NKAIN2: variants seen among roughly 807,000 people sequenced by gnomAD.
The protein encoded by NKAIN2 is sodium/potassium transporting ATPase interacting 2.
In NKAIN2, 14 loss-of-function variants were observed where a neutral mutation model predicts 32.6. That is an observed-to-expected ratio of 0.43 (90% CI 0.28 to 0.67). The LOEUF is 0.67. Ranked by LOEUF, NKAIN2 falls within the 30% of genes least tolerant of loss-of-function variation. The pLI, the probability that NKAIN2 is intolerant of heterozygous loss-of-function variation, is 0.17. For synonymous variants in NKAIN2, 80 were observed against 87.2 expected (o/e 0.92, Z 0.46); for missense variants, 198 against 258.3 (o/e 0.77, Z 1.60).
intron 1 of NKAIN2, among the ~76,000 whole-genome samples, chr6:123,930,194 A>G (rs959531776): frequency 3.3e-5 from 5 of 152,154 alleles, no homozygotes; most frequent in Non-Finnish European, 5.9e-5. Flanking sequence ...TAAAATGCAA[A>G]TTGATATTGT....
At chr6:124,600,245 A>C (rs138430709) in intron 3 of NKAIN2, among the ~76,000 whole-genome samples, 5 of 152,244 alleles carry the variant, frequency 3.3e-5, no homozygotes, top group African/African-American at 1.2e-4. Context: ...ACATTGGCTA[A>C]GTTCTAAATG....
At chr6:124,067,106 G>A (rs138079544) in intron 1 of NKAIN2, among the ~76,000 whole-genome samples, 13 of 152,132 alleles carry the variant, frequency 8.5e-5, no homozygotes, top group East Asian at 5.8e-4. Flanking sequence ...ACCTGTTTTC[G>A]TGTCTGCTAC....
rs563518709 is a variant in NKAIN2 at position 124,429,841 on chromosome 6, C to T, written c.273+74494C>T. 5.3e-5 allele frequency among the ~76,000 whole-genome samples: 8 copies of T among 152,218 alleles called. No homozygotes were observed. The East Asian group carries it at 1.5e-3, about 29-fold the overall frequency. ...ACGTCCCTGGGCCTATCCTGAATTGCTGGGGAGTCTGGCAGGGTGATCAGT... is the reference window on the plus strand; with the variant it reads ...ACGTCCCTGGGCCTATCCTGAATTGTTGGGGAGTCTGGCAGGGTGATCAGT... On this transcript the variant is annotated intron_variant, in intron 3 of 6. Coordinates refer to ENST00000368417, the MANE Select transcript of NKAIN2 (RefSeq NM_001040214.3).
At chr6:124,804,272 G>A (rs1780413164) in intron 5 of NKAIN2, among the ~76,000 whole-genome samples, 1 of 152,086 alleles carries the variant, frequency 6.6e-6, no homozygotes, top group African/African-American at 2.4e-5. Flanking sequence ...CTCACCTAAG[G>A]CACTGCCCTC....
At chr6:123,937,529 A>G (rs72972546) in intron 1 of NKAIN2, among the ~76,000 whole-genome samples, 1 of 152,118 alleles carries the variant, frequency 6.6e-6, no homozygotes, top group Admixed American at 6.6e-5. Context: ...GCGTGTGAAA[A>G]GAAGAACAAC....
intron 1 of NKAIN2, among the ~76,000 whole-genome samples, chr6:123,873,124 A>G (rs1772983333): frequency 6.6e-6 from 1 of 152,208 alleles, no homozygotes; most frequent in Non-Finnish European, 1.5e-5. Flanking sequence ...TGAGATAGTG[A>G]TAAATACTGT....
chr6:124,628,634 C>CTAATT (rs1554238085), intron 3 of NKAIN2, among the ~76,000 whole-genome samples: 1 of 151,668 alleles, frequency 6.6e-6, no homozygotes, highest in Non-Finnish European at 1.5e-5. Context: ...CATTCATAAT[C>CTAATT]TAATTAGTAA....
intron 1 of NKAIN2, chr6:124,121,996 T>G: frequency 3.7e-6 from 2 of 537,684 alleles, no homozygotes; most frequent in Non-Finnish European, 5.8e-6. Context: ...AATATATATT[T>G]GAAGAACTCA....
intron 1 of NKAIN2, among the ~76,000 whole-genome samples, chr6:123,832,004 A>G (rs545870097): frequency 2.6e-4 from 40 of 152,260 alleles, no homozygotes; most frequent in African/African-American, 8.9e-4. Flanking sequence ...ATCCGTTTTC[A>G]TTAGGGTTCC....
chr6:124,210,999 G>A (rs754519758), intron 1 of NKAIN2, among the ~76,000 whole-genome samples: 12 of 150,414 alleles, frequency 8.0e-5, no homozygotes, highest in Non-Finnish European at 1.8e-4. Flanking sequence ...TTGAAAGTGG[G>A]CATTCTTGTT....
rs150238386 is a variant in NKAIN2, at chr6:123,907,833, A to G, written c.54+103579A>G. 2.6e-3 allele frequency among the ~76,000 whole-genome samples: 392 copies of G among 152,274 alleles called. 1 individual carries two copies. Among genetic ancestry groups the G allele is most frequent in the African/African-American group, 9.0e-3 (376 of 41,566 alleles). ...GCATGTCGGGAAATCCTTTTGCACA[A>G]ATAGCAGTAACAAAATACAACACAG... On this transcript the variant is annotated intron_variant, in intron 1 of 6. Transcript: ENST00000368417.
At chr6:124,585,224 ATGT>A (rs1437584496) in intron 3 of NKAIN2, among the ~76,000 whole-genome samples, 2 of 152,218 alleles carry the variant, frequency 1.3e-5, no homozygotes, top group Non-Finnish European at 2.9e-5. Flanking sequence ...CACACTTCAC[ATGT>A]TGTCACTTAT....
At chr6:124,533,577 C>CA (rs1219664585) in intron 3 of NKAIN2, among the ~76,000 whole-genome samples, 1 of 151,090 alleles carries the variant, frequency 6.6e-6, no homozygotes, top group Non-Finnish European at 1.5e-5. Context: ...CTATATGACA[C>CA]ATAAATATCT....
intron 1 of NKAIN2, among the ~76,000 whole-genome samples, chr6:124,003,647 C>A (rs1285148321): frequency 6.6e-6 from 1 of 152,056 alleles, no homozygotes; most frequent in African/African-American, 2.4e-5. Context: ...GTGGGAGTGA[C>A]CTAAAATGTA....
At chr6:124,803,829 G>A (rs537419599) in intron 5 of NKAIN2, among the ~76,000 whole-genome samples, 8 of 152,288 alleles carry the variant, frequency 5.3e-5, no homozygotes, top group African/African-American at 1.9e-4. Context: ...GCCTAAATGT[G>A]CATTTTGAAG....
intron 2 of NKAIN2, among the ~76,000 whole-genome samples, chr6:124,289,440 C>A (rs887319507): frequency 1.4e-4 from 21 of 151,996 alleles, no homozygotes; most frequent in Admixed American, 1.2e-3. Context: ...GCATCCTGGC[C>A]AAAGCATGGG....
chr6:124,312,251 C>T (rs1196763555), intron 2 of NKAIN2, among the ~76,000 whole-genome samples: 1 of 152,130 alleles, frequency 6.6e-6, no homozygotes, highest in Non-Finnish European at 1.5e-5. Context: ...TTCTCCCCAC[C>T]AGCAAGCAAG....
chr6:124,124,045 C>T (rs992028012), intron 1 of NKAIN2, among the ~76,000 whole-genome samples: 1 of 152,020 alleles, frequency 6.6e-6, no homozygotes, highest in Non-Finnish European at 1.5e-5. Flanking sequence ...TCACACTAGA[C>T]GATGCAGCTA....
At chr6:123,835,125 A>G (rs1274145242) in intron 1 of NKAIN2, among the ~76,000 whole-genome samples, 2 of 152,214 alleles carry the variant, frequency 1.3e-5, no homozygotes, top group Admixed American at 6.5e-5. Context: ...TTAGCTGGAT[A>G]AATGAAAAAA....
Sources: gnomAD v4.1 joint callset for allele counts (sites outside exome capture counted in the v4.1 genomes callset) on GRCh38, gnomAD v4.1.1 for gene constraint, MANE v1.5 for transcripts, NCBI Gene and HGNC (gene_info 2026-07-23, HGNC 2026-07-21) for gene names.